FRS2: variants seen among roughly 807,000 people sequenced by gnomAD.
The protein encoded by FRS2 is FGFR signalling adaptor.
A neutral mutation model predicts 43.9 loss-of-function variants in FRS2; 8 were observed. The observed-to-expected ratio is 0.18, with a 90% CI of 0.11 to 0.33. FRS2 has a LOEUF of 0.33. FRS2 is among the 10% of genes least tolerant of loss of function. The probability of loss-of-function intolerance (pLI) is 1.00; values close to 1 mark genes in which losing one functional copy is unlikely to be tolerated. For missense variants in FRS2, 534 were observed against 627.6 expected, an observed-to-expected ratio of 0.85 and a Z score of 1.59; for synonymous variants, 219 against 220.3, an observed-to-expected ratio of 0.99 and a Z score of 0.05.
At chr12:69,476,753 C>CGGGGGGGGTGGGGGGGGGGGGG (rs1870812294) in intron 1 of FRS2, among the ~76,000 whole-genome samples, 3 of 80,184 alleles carry the variant, frequency 3.7e-5, no homozygotes, top group South Asian at 4.8e-4. Context: ...GGGGGAGGGA[C>CGGGGGGGGTGGGGGGGGGGGGG]GGGGGGGGGT....
At chr12:69,477,578 G>C (rs1015612907) in intron 1 of FRS2, among the ~76,000 whole-genome samples, 2 of 151,308 alleles carry the variant, frequency 1.3e-5, no homozygotes, top group African/African-American at 4.9e-5. Flanking sequence ...CACCGCGCCC[G>C]GCCTAAAATA....
chr12:69,556,959 C>T (rs1006359576), intron 3 of FRS2, among the ~76,000 whole-genome samples: 6 of 152,118 alleles, frequency 3.9e-5, no homozygotes, highest in African/African-American at 1.4e-4. Context: ...TGTCTATAAA[C>T]ATGAGTGTAA....
chr12:69,518,445 C>T (rs538599309), intron 1 of FRS2, among the ~76,000 whole-genome samples: 4 of 152,118 alleles, frequency 2.6e-5, no homozygotes, highest in South Asian at 4.1e-4. Context: ...AGGGGGCTCA[C>T]GCCTGTAATC....
At position 69,556,013 on chromosome 12, in the gene FRS2, G is replaced by A. The variant is rs559716634; in HGVS notation, c.-121-6167G>A. Among the ~76,000 whole-genome samples the A allele has an allele frequency of 4.0e-5, 6 of 151,298 alleles. No individual in the cohort carries two copies. In the East Asian group the frequency reaches 5.8e-4, roughly 15 times the overall value. On this transcript the variant is annotated intron_variant, in intron 3 of 8. Transcript: ENST00000549921. ...TTTGATCAGTGTGTGTGTGGCGGGG[G>A]GGGGGGCGGTGTACACATGGTATAC...
chr12:69,528,234 G>T (rs1876453328), intron 1 of FRS2, among the ~76,000 whole-genome samples: 1 of 152,096 alleles, frequency 6.6e-6, no homozygotes, highest in South Asian at 2.1e-4. Flanking sequence ...TTTATTTAAA[G>T]AAAAAATAAT....
intron 3 of FRS2, among the ~76,000 whole-genome samples, chr12:69,545,846 A>C (rs1471319743): frequency 4.9e-4 from 75 of 152,160 alleles, no homozygotes; most frequent in Admixed American, 4.9e-3. Flanking sequence ...GGGTGCCAAG[A>C]CTATTCAATG....
chr12:69,556,082 T>A (rs945347702), intron 3 of FRS2, among the ~76,000 whole-genome samples: 2 of 150,778 alleles, frequency 1.3e-5, no homozygotes, highest in Non-Finnish European at 3.0e-5. Context: ...TAAAAAAAAA[T>A]TAGAGATGAT....
chr12:69,555,651 A>G (rs1879274638), intron 3 of FRS2, among the ~76,000 whole-genome samples: 1 of 152,198 alleles, frequency 6.6e-6, no homozygotes, highest in East Asian at 1.9e-4. Context: ...CTGACTTTTC[A>G]TACACACAGA....
chr12:69,518,757 G>A (rs1339438494), intron 1 of FRS2, among the ~76,000 whole-genome samples: 1 of 151,886 alleles, frequency 6.6e-6, no homozygotes, highest in Non-Finnish European at 1.5e-5. Context: ...GCTCATGCCT[G>A]TAATCCCAGC....
intron 3 of FRS2, among the ~76,000 whole-genome samples, chr12:69,549,154 T>C (rs976898190): frequency 1.3e-5 from 2 of 152,202 alleles, no homozygotes; most frequent in African/African-American, 2.4e-5. Flanking sequence ...TTAAACAGAA[T>C]TAGTACAGCT....
chr12:69,547,811 A>G (rs1352204620), intron 3 of FRS2, among the ~76,000 whole-genome samples: 1 of 150,250 alleles, frequency 6.7e-6, no homozygotes, highest in Non-Finnish European at 1.5e-5. Context: ...CCATTTTTAG[A>G]AAAATGTATC....
intron 1 of FRS2, among the ~76,000 whole-genome samples, chr12:69,496,153 C>G (rs1872867403): frequency 1.3e-5 from 2 of 152,008 alleles, no homozygotes; most frequent in African/African-American, 4.8e-5. Flanking sequence ...AGCTTGTAGT[C>G]TGGCCAGGCG....
intron 3 of FRS2, among the ~76,000 whole-genome samples, chr12:69,539,783 G>A (rs953588446): frequency 5.3e-5 from 8 of 151,854 alleles, no homozygotes; most frequent in Non-Finnish European, 1.0e-4. Flanking sequence ...GTGAAACCCC[G>A]TCTCTACTAA....
At chr12:69,563,120 TTG>T (rs1880001413) in intron 4 of FRS2, among the ~76,000 whole-genome samples, 1 of 152,230 alleles carries the variant, frequency 6.6e-6, no homozygotes, top group Non-Finnish European at 1.5e-5. Context: ...GATCACATGG[TTG>T]TTCCTCAAGT....
intron 3 of FRS2, among the ~76,000 whole-genome samples, chr12:69,535,854 T>C (rs1026478241): frequency 2.6e-5 from 4 of 151,782 alleles, no homozygotes; most frequent in African/African-American, 9.7e-5. Context: ...TATAGATGTG[T>C]TAATTTTTGC....
intron 4 of FRS2, among the ~76,000 whole-genome samples, chr12:69,566,347 G>A (rs980510252): frequency 2.0e-5 from 3 of 152,004 alleles, no homozygotes; most frequent in Non-Finnish European, 2.9e-5. Flanking sequence ...CAAGGAGGTC[G>A]GGGAGAACAA....
chr12:69,535,300 C>A (rs1439486419), intron 3 of FRS2, among the ~76,000 whole-genome samples: 1 of 152,202 alleles, frequency 6.6e-6, no homozygotes, highest in East Asian at 1.9e-4. Flanking sequence ...GATCTAGATA[C>A]AGGCGTTGAT....
At chr12:69,501,812 A>G (rs1308787586) in intron 1 of FRS2, among the ~76,000 whole-genome samples, 2 of 152,196 alleles carry the variant, frequency 1.3e-5, no homozygotes, top group African/African-American at 4.8e-5. Flanking sequence ...TTGGGATTTC[A>G]TTATCATATT....
intron 1 of FRS2, among the ~76,000 whole-genome samples, chr12:69,485,135 A>ACACACACACACACACACT: frequency 1.2e-5 from 1 of 80,886 alleles, no homozygotes; most frequent in East Asian, 2.8e-4. Context: ...ACACACACAC[A>ACACACACACACACACACT]CTCTCACCCC....
Sources: gnomAD v4.1 joint callset for allele counts (sites outside exome capture counted in the v4.1 genomes callset) on GRCh38, gnomAD v4.1.1 for gene constraint, MANE v1.5 for transcripts, NCBI Gene and HGNC (gene_info 2026-07-23, HGNC 2026-07-21) for gene names.